The following ESR1 variants were observed in gnomAD, a reference collection of about 807,000 sequenced individuals.
ESR1 encodes estrogen receptor.
In ESR1, 12 loss-of-function variants were observed where a neutral mutation model predicts 52.7. The ratio of observed to expected loss-of-function variants is 0.23; its 90% CI spans 0.15 to 0.37. ESR1 has a LOEUF of 0.37. Among genes scored for constraint, ESR1 ranks in the 10% least tolerant of loss-of-function variants. The pLI is 1.00. For missense variants in ESR1, 584 were observed against 779.7 expected, an observed-to-expected ratio of 0.75 and a Z score of 2.99; for synonymous variants, 305 against 316.8, an observed-to-expected ratio of 0.96 and a Z score of 0.39.
intron 5 of ESR1, among the ~76,000 whole-genome samples, chr6:152,017,112 A>G (rs1360732690): frequency 2.0e-5 from 3 of 152,156 alleles, no homozygotes; most frequent in Non-Finnish European, 4.4e-5. Flanking sequence ...AAATGTTAGT[A>G]TTGGCAAATG....
At chr6:151,686,088 T>TTTTTTTA (rs142764831), upstream of ESR1, among the ~76,000 whole-genome samples, 37 of 143,144 alleles carry the variant, frequency 2.6e-4, no homozygotes, top group East Asian at 3.3e-3. Flanking sequence ...TTTTTTTTTT[T>TTTTTTTA]ATTTAGAGAC....
chr6:151,844,403 T>G (rs772867810), intron 2 of ESR1, among the ~76,000 whole-genome samples: 1 of 152,188 alleles, frequency 6.6e-6, no homozygotes, highest in Non-Finnish European at 1.5e-5. Flanking sequence ...GGTTAGTAGA[T>G]AGGTCTAACT....
At chr6:151,738,629 A>G (rs1782850163) in intron 2 of ESR1, among the ~76,000 whole-genome samples, 2 of 152,200 alleles carry the variant, frequency 1.3e-5, no homozygotes, top group Non-Finnish European at 2.9e-5. Context: ...AAAGTTTCCA[A>G]AATGACATCC....
chr6:151,868,957 A>C (rs1031020666), intron 2 of ESR1, among the ~76,000 whole-genome samples: 11 of 152,128 alleles, frequency 7.2e-5, no homozygotes, highest in Admixed American at 5.2e-4. Flanking sequence ...AGACATGCAT[A>C]TTCCACCCCC....
chr6:151,820,748 T>C (rs1780428518), intron 1 of ESR1, among the ~76,000 whole-genome samples: 1 of 152,220 alleles, frequency 6.6e-6, no homozygotes, highest in African/African-American at 2.4e-5. Context: ...TTTATTTTTA[T>C]GGGAAATGGC....
At chr6:151,844,259 A>T (rs1784762627) in intron 2 of ESR1, among the ~76,000 whole-genome samples, 1 of 152,138 alleles carries the variant, frequency 6.6e-6, no homozygotes, top group African/African-American at 2.4e-5. Context: ...TTAGGTTAGT[A>T]TAAGCCCTTA....
chr6:152,097,985 A>G (rs2050759153), intron 7 of ESR1, among the ~76,000 whole-genome samples: 1 of 151,516 alleles, frequency 6.6e-6, no homozygotes, highest in Non-Finnish European at 1.5e-5. Context: ...CAGAGGCTTG[A>G]GGCTGCTGCC....
intron 2 of ESR1, among the ~76,000 whole-genome samples, chr6:151,879,956 T>C (rs1345856416): frequency 1.3e-5 from 2 of 152,142 alleles, no homozygotes; most frequent in Non-Finnish European, 2.9e-5. Flanking sequence ...CTCTGAAAAC[T>C]CTATTTCTAA....
At chr6:152,088,862 T>C (rs1392164104) in intron 6 of ESR1, among the ~76,000 whole-genome samples, 1 of 152,092 alleles carries the variant, frequency 6.6e-6, no homozygotes, top group Non-Finnish European at 1.5e-5. Flanking sequence ...ACTGTGGAAG[T>C]GAAAGAAGAA....
intron 1 of ESR1, among the ~76,000 whole-genome samples, chr6:151,810,790 A>G (rs982153175): frequency 2.6e-5 from 4 of 152,234 alleles, no homozygotes; most frequent in Non-Finnish European, 5.9e-5. Context: ...TGTATTTCTT[A>G]CTGTGGATTG....
At chr6:151,729,900 C>A (rs563975776) in intron 2 of ESR1, among the ~76,000 whole-genome samples, 1 of 151,842 alleles carries the variant, frequency 6.6e-6, no homozygotes, top group Non-Finnish European at 1.5e-5. Context: ...TCAGCCTGGG[C>A]AACATAGTGA....
At chr6:151,990,903 A>G (rs1159493869) in intron 4 of ESR1, among the ~76,000 whole-genome samples, 1 of 152,200 alleles carries the variant, frequency 6.6e-6, no homozygotes, top group African/African-American at 2.4e-5. Flanking sequence ...ATGGGAATAG[A>G]TAAGATTATC....
At chr6:151,950,826 C>T (rs184966315) in intron 4 of ESR1, among the ~76,000 whole-genome samples, 1 of 150,238 alleles carries the variant, frequency 6.7e-6, no homozygotes, top group Non-Finnish European at 1.5e-5. Flanking sequence ...TTGAAGCCAC[C>T]TAGTTTTTGA....
intron 4 of ESR1, among the ~76,000 whole-genome samples, chr6:151,985,522 A>AC (rs2040388092): frequency 7.2e-6 from 1 of 138,046 alleles, no homozygotes. Context: ...AAAAAAAAAA[A>AC]AAAAAAAAAA....
intron 5 of ESR1, among the ~76,000 whole-genome samples, chr6:152,018,328 A>C (rs775444165): frequency 6.6e-6 from 1 of 152,156 alleles, no homozygotes; most frequent in African/African-American, 2.4e-5. Context: ...AAAAATGCCC[A>C]AAAATCAATG....
intron 2 of ESR1, among the ~76,000 whole-genome samples, chr6:151,749,798 G>C (rs1156440974): frequency 6.6e-6 from 1 of 152,038 alleles, no homozygotes; most frequent in African/African-American, 2.4e-5. Context: ...GCTCCGTGGG[G>C]GAAAAAGAAC....
chr6:151,967,405 A>C (rs145141831), intron 4 of ESR1, among the ~76,000 whole-genome samples: 1 of 151,316 alleles, frequency 6.6e-6, no homozygotes, highest in Non-Finnish European at 1.5e-5. Flanking sequence ...TCATTATTCA[A>C]CTCCCCCTTA....
intron 5 of ESR1, among the ~76,000 whole-genome samples, chr6:152,034,797 C>T (rs1037497164): frequency 2.6e-5 from 4 of 152,132 alleles, no homozygotes; most frequent in African/African-American, 9.7e-5. Flanking sequence ...TTTTTACTAA[C>T]GACTAGCAAA....
intron 2 of ESR1, among the ~76,000 whole-genome samples, chr6:151,850,046 TTA>T (rs1454918906): frequency 7.0e-5 from 4 of 57,456 alleles, no homozygotes; most frequent in East Asian, 6.9e-4. Flanking sequence ...ATATATAATT[TTA>T]TATATATATA....
Sources: gnomAD v4.1 joint callset for allele counts (sites outside exome capture counted in the v4.1 genomes callset) on GRCh38, gnomAD v4.1.1 for gene constraint, MANE v1.5 for transcripts, NCBI Gene and HGNC (gene_info 2026-07-23, HGNC 2026-07-21) for gene names.